Variants in TMOD1 observed in about 807,000 individuals in gnomAD.
The protein encoded by TMOD1 is tropomodulin-1.
Under a neutral mutation model 40.6 loss-of-function variants are expected in TMOD1, and 17 were observed. That is an observed-to-expected ratio of 0.42 (90% CI 0.29 to 0.63). The LOEUF (loss-of-function observed/expected upper bound fraction) is 0.63, where lower values mean the gene tolerates loss of function less well. TMOD1 is among the 20% of genes least tolerant of loss of function. The pLI is 0.22. For missense variants in TMOD1, 391 were observed against 447.6 expected, an observed-to-expected ratio of 0.87 and a Z score of 1.14; for synonymous variants, 181 against 175.0, an observed-to-expected ratio of 1.03 and a Z score of -0.27.
intron 2 of TMOD1, among the ~76,000 whole-genome samples, chr9:97,532,701 A>G (rs186779457): frequency 2.6e-5 from 4 of 152,150 alleles, no homozygotes; most frequent in African/African-American, 9.6e-5. Flanking sequence ...CTGCCACTCT[A>G]CTGAGCGCTT....
At chr9:97,596,894 T>C (rs1335274695) in intron 9 of TMOD1, among the ~76,000 whole-genome samples, 2 of 152,272 alleles carry the variant, frequency 1.3e-5, no homozygotes, top group Non-Finnish European at 2.9e-5. Flanking sequence ...CTCAGAGAGC[T>C]GCCAGGGCAT....
At chr9:97,590,058 T>G (rs1211998136) in intron 8 of TMOD1, among the ~76,000 whole-genome samples, 1 of 151,946 alleles carries the variant, frequency 6.6e-6, no homozygotes, top group African/African-American at 2.4e-5. Flanking sequence ...ACCAGGGTTT[T>G]TTTTCTTTTT....
At chr9:97,514,945 G>T (rs868500008) in intron 1 of TMOD1, among the ~76,000 whole-genome samples, 2 of 152,174 alleles carry the variant, frequency 1.3e-5, no homozygotes, top group African/African-American at 2.4e-5. Context: ...AGGATGTGTC[G>T]GTCCTGGGTG....
intron 2 of TMOD1, among the ~76,000 whole-genome samples, chr9:97,540,696 C>T (rs1044391534): frequency 3.9e-5 from 6 of 152,116 alleles, no homozygotes; most frequent in African/African-American, 4.8e-5. Context: ...GGGTCATTCA[C>T]GTTGTAGTAC....
rs142121567 is a variant in TMOD1, at chr9:97,565,943, C to A, written c.714C>A (p.Asp238Glu). 6.2e-7 allele frequency: 1 copy of A among 1,614,080 alleles called. No individual in the cohort carries two copies. The highest frequency in any genetic ancestry group is 2.2e-5 in the East Asian group (1 of 44,886). The change falls in exon 7 of 10, where the codon GAC becomes GAA. Residue 238 changes from aspartate to glutamate, a missense_variant. By Grantham distance (45) the Asp-to-Glu change is conservative (BLOSUM62 2). Transcript: ENST00000259365. ...GCATCGTGGGGACACGGAGTAATGA[C>A]CCCGTGGCGTATGTATGTACCTTTC... ...KFSIVGTRSNDPVAYALAEML... is the reference protein window; with the variant it reads ...KFSIVGTRSNEPVAYALAEML...
At position 97,557,266 on chromosome 9, in the gene TMOD1, G is replaced by A. The variant is rs1056916860; in HGVS notation, c.397+3866G>A. On this transcript the variant is annotated intron_variant, in intron 4 of 9. Coordinates refer to ENST00000259365, the MANE Select transcript of TMOD1 (RefSeq NM_003275.4). This position sits in a 1 kb window ranked among gnomAD's most constrained non-coding sequence, Gnocchi z 4.4. ...TTCCTGGCAGGGCTAAGTTCTTGGC[G>A]CATAGCCTACAGGGTTGTAGGTCAG... 6.6e-6 allele frequency among the ~76,000 whole-genome samples: 1 copy of A among 152,172 alleles called. No individual in the cohort carries two copies. The highest frequency in any genetic ancestry group is 1.5e-5 in the Non-Finnish European group (1 of 68,032).
intron 9 of TMOD1, among the ~76,000 whole-genome samples, chr9:97,595,938 G>A (rs993625556): frequency 4.6e-5 from 7 of 151,992 alleles, no homozygotes; most frequent in Non-Finnish European, 7.4e-5. Context: ...GCCGGGCATG[G>A]TGGCAGGCAC....
At chr9:97,582,023 G>A (rs968423615) in intron 8 of TMOD1, among the ~76,000 whole-genome samples, 3 of 151,770 alleles carry the variant, frequency 2.0e-5, no homozygotes, top group African/African-American at 7.3e-5. Context: ...TGTCAATTTT[G>A]TCTTTTGTTG....
At chr9:97,565,176 C>T (rs913680934) in intron 6 of TMOD1, among the ~76,000 whole-genome samples, 3 of 152,230 alleles carry the variant, frequency 2.0e-5, no homozygotes, top group Non-Finnish European at 2.9e-5. Context: ...CTGTGAGGCC[C>T]CAGCCTCCTC....
Position 97,524,516 on chromosome 9 carries a change from GTGTGTA to G in TMOD1, c.120+214_120+219del, listed in dbSNP as rs1371004474. On this transcript the variant is annotated intron_variant, in intron 2 of 9. Coordinates refer to ENST00000259365, the MANE Select transcript of TMOD1 (RefSeq NM_003275.4). ...CAATAGGGTGTGTGTGTGTGTGTGT[GTGTGTA>G]TGTGTGTGTGTGTGTCGAGACAGAG... Among the ~76,000 whole-genome samples the G allele has an allele frequency of 7.9e-4, 120 of 151,244 alleles. 1 individual carries two copies. Among genetic ancestry groups the G allele is most frequent in the African/African-American group, 2.7e-3 (111 of 41,164 alleles).
chr9:97,565,912 A>G lies in TMOD1; in HGVS notation c.683A>G (p.Lys228Arg), dbSNP rs1188435004. ...EALKENSYVK[K>R]FSIVGTRSND... ...CTGAAAGAAAACTCATATGTGAAGA[A>G]GTTCAGCATCGTGGGGACACGGAGT... is the stretch of plus-strand genomic sequence containing the variant. The change falls in exon 7 of 10, where the codon AAG becomes AGG. Residue 228 changes from lysine to arginine, a missense_variant. Transcript: ENST00000259365. 19 of 1,614,112 alleles carry G rather than the reference A, an allele frequency of 1.2e-5. No homozygotes were observed. The highest frequency in any genetic ancestry group is 1.6e-4 in the Middle Eastern group (1 of 6,084).
At chr9:97,520,778 C>A (rs747196972) in intron 1 of TMOD1, among the ~76,000 whole-genome samples, 1 of 152,162 alleles carries the variant, frequency 6.6e-6, no homozygotes, top group East Asian at 1.9e-4. Context: ...GATTTGCCCC[C>A]CTCAGGGTGG....
At chr9:97,583,398 T>C (rs2131284229) in intron 8 of TMOD1, among the ~76,000 whole-genome samples, 2 of 150,716 alleles carry the variant, frequency 1.3e-5, no homozygotes, top group Admixed American at 1.3e-4. Context: ...CTGGATTCGT[T>C]TTGCCAGTAT....
At chr9:97,523,372 G>A (rs944585260) in intron 1 of TMOD1, among the ~76,000 whole-genome samples, 1 of 152,170 alleles carries the variant, frequency 6.6e-6, no homozygotes, top group South Asian at 2.1e-4. Context: ...CCTCTGAACC[G>A]GCTCCCTCTG....
chr9:97,514,931 G>A (rs1829778612), intron 1 of TMOD1, among the ~76,000 whole-genome samples: 1 of 152,226 alleles, frequency 6.6e-6, no homozygotes, highest in Admixed American at 6.5e-5. Context: ...CCCTGCCCTA[G>A]GGCAGGATGT....
At chr9:97,509,656 A>C (rs891768715) in intron 1 of TMOD1, among the ~76,000 whole-genome samples, 7 of 151,842 alleles carry the variant, frequency 4.6e-5, no homozygotes, top group Non-Finnish European at 1.0e-4. Flanking sequence ...CACCATGCCC[A>C]GCTAATTTTT....
At chr9:97,569,133 T>C in intron 8 of TMOD1, 96 bp downstream of exon 8, 1 of 1,506,632 alleles carries the variant, frequency 6.6e-7, no homozygotes, top group Non-Finnish European at 9.0e-7. Context: ...AGAATGCTGA[T>C]GATAGAAGCT....
At position 97,588,461 on chromosome 9, in the gene TMOD1, T is replaced by C. The variant is rs561976549; in HGVS notation, c.871-2830T>C. 1.2e-4 allele frequency among the ~76,000 whole-genome samples: 18 copies of C among 152,338 alleles called. No individual in the cohort carries two copies. The East Asian group carries it at 3.5e-3, about 29-fold the overall frequency. On this transcript the variant is annotated intron_variant, in intron 8 of 9. Transcript: ENST00000259365. ...TTTACTGTTGAGTTCTAATAGTTCT[T>C]TATATATTCATATTTAAATCCTATA...
At chr9:97,562,963 T>C (rs1471599538) in intron 5 of TMOD1, 142 bp downstream of exon 5, 2 of 619,936 alleles carry the variant, frequency 3.2e-6, no homozygotes, top group African/African-American at 2.0e-5. Context: ...CTGGGATTTG[T>C]GTCTTGTTTA....
Sources: allele counts gnomAD v4.1 joint callset (sites outside exome capture counted in the v4.1 genomes callset), GRCh38; gene constraint gnomAD v4.1.1; non-coding constraint Gnocchi (gnomAD v3.1); transcripts MANE v1.5; gene names NCBI Gene and HGNC (gene_info 2026-07-23, HGNC 2026-07-21).